Variants in SCRIB observed in about 807,000 individuals in gnomAD.
SCRIB encodes scribble planar cell polarity protein.
In SCRIB, 72 loss-of-function variants were observed where a neutral mutation model predicts 170.0. The observed-to-expected ratio is 0.42, with a 90% CI of 0.35 to 0.52. SCRIB has a LOEUF of 0.52. Among genes scored for constraint, SCRIB ranks in the 20% least tolerant of loss-of-function variants. The pLI is 0.02. For synonymous variants in SCRIB, 1,298 were observed against 1,044.3 expected, an observed-to-expected ratio of 1.24 and a Z score of -4.68; for missense variants, 2,475 against 2,338.5, an observed-to-expected ratio of 1.06 and a Z score of -1.20.
chr8:143,801,263 A>G (rs150720664), intron 24 of SCRIB, among the ~76,000 whole-genome samples: 18 of 152,276 alleles, frequency 1.2e-4, no homozygotes, highest in African/African-American at 3.8e-4. Context: ...GCATGGGGAC[A>G]TGGCTTGAGC....
chr8:143,803,473 G>T lies in SCRIB; in HGVS notation c.3513C>A (p.Gly1171=). 6.3e-7 allele frequency: 1 copy of T among 1,599,748 alleles called. No individual in the cohort carries two copies. The highest frequency in any genetic ancestry group is 2.2e-5 in the East Asian group (1 of 44,766). Residue 1171 remains glycine, a synonymous_variant, in exon 24 of 37, where the codon GGC becomes GGA. Coordinates refer to ENST00000356994, the MANE Select transcript of SCRIB (RefSeq NM_182706.5). ...CACTGCGGAGCAGCTGCACCGCCTCGCCGTGCGTCAGGCCCAGCAGGCTCT... is the reference window on the plus strand; with the variant it reads ...CACTGCGGAGCAGCTGCACCGCCTCTCCGTGCGTCAGGCCCAGCAGGCTCT... ...NQQSLLGLTH[G]EAVQLLRSVG...
chr8:143,801,839 C>T (rs1366665791), intron 24 of SCRIB, among the ~76,000 whole-genome samples: 2 of 152,176 alleles, frequency 1.3e-5, no homozygotes, highest in Admixed American at 6.5e-5. Context: ...TGGCTCTGTC[C>T]GTGGCTGGCC....
chr8:143,801,944 G>A (rs1554635053), intron 24 of SCRIB, among the ~76,000 whole-genome samples: 1 of 152,200 alleles, frequency 6.6e-6, no homozygotes, highest in African/African-American at 2.4e-5. Context: ...ACCTGTGGCC[G>A]ACAGCAGCGC....
chr8:143,804,735 G>C lies in SCRIB; in HGVS notation c.2842C>G (p.Arg948Gly), dbSNP rs1815334386. 6.3e-7 allele frequency: 1 copy of C among 1,597,480 alleles called. No individual in the cohort carries two copies. Among genetic ancestry groups the C allele is most frequent in the Non-Finnish European group, 8.5e-7 (1 of 1,172,426 alleles). Reference protein sequence around the residue: ...ASPTIALLLEREAGGPLPPSP... With the variant: ...ASPTIALLLEGEAGGPLPPSP... ...GGAGGAAGAGGGCCCCCAGCCTCCC[G>C]CTCCAACAGCAGGGCGATGGTGGGG... The change falls in exon 21 of 37, where the codon CGG (arginine) becomes GGG (glycine). Residue 948 changes from arginine (R) to glycine (G), a missense_variant. Physicochemically the swap from Arg to Gly is moderately radical, Grantham distance 125 (BLOSUM62 -2). This residue lies in a region of SCRIB where 1,966 missense variants were observed against 1,742.9 expected (regional missense o/e 1.13). Coordinates refer to ENST00000356994, the MANE Select transcript of SCRIB (RefSeq NM_182706.5).
At chr8:143,796,464 G>A (rs1204640057) in intron 24 of SCRIB, among the ~76,000 whole-genome samples, 1 of 152,174 alleles carries the variant, frequency 6.6e-6, no homozygotes, top group Non-Finnish European at 1.5e-5. Context: ...AGAGATGCCA[G>A]GCAAACACAC....
chr8:143,813,598 C>T (rs1169836243), intron 4 of SCRIB, 39 bp downstream of exon 4: 1 of 1,611,542 alleles, frequency 6.2e-7, no homozygotes, highest in Non-Finnish European at 8.5e-7. Flanking sequence ...CAATCCTGGT[C>T]CCCCACCCCA....
chr8:143,791,450 G>GGA lies in SCRIB; in HGVS notation c.4771-12_4771-11dup. On this transcript the variant is annotated splice_polypyrimidine_tract_variant and intron_variant, in intron 35 of 36. Coordinates refer to ENST00000356994, the MANE Select transcript of SCRIB (RefSeq NM_182706.5). ...CAGCAAAGTCCGGTGACTGTGATGGGGAGAGTGTTGGTCAGGCCGGTGCCA... is the reference window on the plus strand; with the variant it reads ...CAGCAAAGTCCGGTGACTGTGATGGGGAGAGAGTGTTGGTCAGGCCGGTGCCA... 1 of 1,609,814 alleles carries GGA rather than the reference G, an allele frequency of 6.2e-7. No homozygotes were observed. Among genetic ancestry groups the GGA allele is most frequent in the African/African-American group, 1.3e-5 (1 of 74,962 alleles).
At position 143,806,440 on chromosome 8, in the gene SCRIB, C is replaced by T. The variant is rs140490790; in HGVS notation, c.2313G>A (p.Arg771=). 14 of 1,606,490 alleles carry T rather than the reference C, an allele frequency of 8.7e-6. No individual in the cohort carries two copies. Among genetic ancestry groups the T allele is most frequent in the Middle Eastern group, 1.7e-4 (1 of 6,048 alleles). The stretch of plus-strand genomic sequence containing the variant: ...GCTTGTCACCCACACGGACTCCAGC[C>T]CGGGCCGCAGGGCCTTCCTCGGACA... The part of the protein sequence containing the change: ...SRVSEEGPAA[R]AGVRVGDKLL... Residue 771 remains arginine (R), a synonymous_variant, in exon 18 of 37, where the codon CGG becomes CGA. Transcript: ENST00000356994.
rs372874216 is a variant in SCRIB, at chr8:143,814,133, G to A, written c.160-15C>T. Reference sequence around the variant, plus strand: ...CGGAAAAAAGGCTGTGGGCAGGGAGGACACGGACTCTGTGGCAGAGACCAC... The same window carrying A: ...CGGAAAAAAGGCTGTGGGCAGGGAGAACACGGACTCTGTGGCAGAGACCAC... On this transcript the variant is annotated splice_polypyrimidine_tract_variant and intron_variant, in intron 1 of 36. Coordinates refer to ENST00000356994, the MANE Select transcript of SCRIB (RefSeq NM_182706.5). The A allele has an allele frequency of 1.1e-4, 167 of 1,547,204 alleles. No individual in the cohort carries two copies. Among genetic ancestry groups the A allele is most frequent in the Non-Finnish European group, 1.4e-4 (155 of 1,143,600 alleles).
intron 9 of SCRIB, among the ~76,000 whole-genome samples, chr8:143,811,790 C>T (rs1274317184): frequency 6.6e-6 from 1 of 152,122 alleles, no homozygotes; most frequent in Non-Finnish European, 1.5e-5. Context: ...AGTGAGGAAC[C>T]CCCCCGGAAA....
At chr8:143,798,375 A>AGGATGTGGACTGTACGTCCC (rs1815030790) in intron 24 of SCRIB, among the ~76,000 whole-genome samples, 1 of 152,138 alleles carries the variant, frequency 6.6e-6, no homozygotes, top group South Asian at 2.1e-4. Context: ...CTGAGAACAC[A>AGGATGTGGACTGTACGTCCC]GGATGCGGAC....
chr8:143,812,443 A>G lies in SCRIB; in HGVS notation c.788-59T>C, dbSNP rs944548147. 2.5e-5 allele frequency: 33 copies of G among 1,332,508 alleles called. No homozygotes were observed. In the African/African-American group the frequency reaches 3.9e-4, roughly 16 times the overall value. The allele number at this position is 1,332,508 out of a possible 1,614,324, so 82.5% of individuals were successfully genotyped here. A position where few individuals can be genotyped will look rare whatever the true frequency, so the allele number is the denominator to read the frequency against. ...CATGGTCCCCAGACGTGCCTTACCCACCTGGCCAGAAGCGCCCTCAAGGCA... is the reference window on the plus strand; with the variant it reads ...CATGGTCCCCAGACGTGCCTTACCCGCCTGGCCAGAAGCGCCCTCAAGGCA... On this transcript the variant is annotated intron_variant, in intron 8 of 36. Coordinates refer to ENST00000356994, the MANE Select transcript of SCRIB (RefSeq NM_182706.5).
At chr8:143,809,084 A>G (rs1815578239) in intron 14 of SCRIB, 59 bp from the exon 15 acceptor site, 2 of 1,540,972 alleles carry the variant, frequency 1.3e-6, no homozygotes, top group Non-Finnish European at 8.7e-7. Context: ...CCACAGGAAG[A>G]CCCTACTAAA....
chr8:143,807,066 G>T, intron 16 of SCRIB, 53 bp from the exon 17 acceptor site: 1 of 1,320,116 alleles, frequency 7.6e-7, no homozygotes, highest in Non-Finnish European at 1.1e-6. Flanking sequence ...GGCTGCCTGT[G>T]CTCTCTGCAG....
intron 14 of SCRIB, among the ~76,000 whole-genome samples, chr8:143,809,326 C>A (rs1325963897): frequency 6.6e-6 from 1 of 152,078 alleles, no homozygotes; most frequent in East Asian, 1.9e-4. Flanking sequence ...GTGAGCCCAG[C>A]CGTCAGGGGA....
At chr8:143,794,930 GC>G in intron 27 of SCRIB, 107 bp downstream of exon 27, 4 of 1,105,162 alleles carry the variant, frequency 3.6e-6, no homozygotes, top group East Asian at 2.4e-5. Context: ...TCCCACCCCA[GC>G]CCCCGCCCAA....
intron 1 of SCRIB, 94 bp from the exon 2 acceptor site, chr8:143,814,212 T>C (rs1004182953): frequency 5.8e-6 from 6 of 1,042,968 alleles, no homozygotes; most frequent in East Asian, 5.2e-5. Flanking sequence ...CAAGAGTCCC[T>C]AGGCCTCTGT....
intron 27 of SCRIB, among the ~76,000 whole-genome samples, 155 bp downstream of exon 27, chr8:143,794,883 C>T (rs1401422230): frequency 6.6e-6 from 1 of 152,010 alleles, no homozygotes; most frequent in Admixed American, 6.5e-5. Context: ...TAAGCATGTG[C>T]CAGGCTGGGG....
Position 143,813,974 on chromosome 8 carries a change from C to T in SCRIB, c.277+27G>A, listed in dbSNP as rs564123919. 1.1e-5 allele frequency: 18 copies of T among 1,576,120 alleles called. No individual in the cohort carries two copies. In the African/African-American group the frequency reaches 1.2e-4, roughly 11 times the overall value. ...GCCCCAGCGGACACTCCCCAGACCC[C>T]ACCCAGCCCCTGCCCAGGCTCCCCA... On this transcript the variant is annotated intron_variant, in intron 2 of 36. Transcript: ENST00000356994.
Sources: gnomAD v4.1 joint callset for allele counts (sites outside exome capture counted in the v4.1 genomes callset) on GRCh38, gnomAD v4.1.1 for gene constraint, gnomAD v4.1.1 regional missense constraint, MANE v1.5 for transcripts, NCBI Gene and HGNC (gene_info 2026-07-23, HGNC 2026-07-21) for gene names.